The following COL25A1 variants were observed in gnomAD, a reference collection of about 807,000 sequenced individuals.
The protein encoded by COL25A1 is collagen alpha-1(XXV) chain.
In COL25A1, 103 loss-of-function variants were observed where a neutral mutation model predicts 128.4. The ratio of observed to expected loss-of-function variants is 0.80; its 90% CI spans 0.68 to 0.94. COL25A1 has a LOEUF of 0.94. COL25A1 is among the 40% of genes least tolerant of loss of function. COL25A1 has a pLI of 0.00. For missense variants in COL25A1, 745 were observed against 840.0 expected, an observed-to-expected ratio of 0.89 and a Z score of 1.40; for synonymous variants, 279 against 277.2, an observed-to-expected ratio of 1.01 and a Z score of -0.06.
intron 26 of COL25A1, 103 bp from the exon 27 acceptor site, chr4:108,848,906 A>G (rs1735428782): frequency 1.3e-6 from 1 of 796,888 alleles, no homozygotes; most frequent in East Asian, 2.4e-5. Context: ...TTTGACTTTC[A>G]GCAAATGCAT....
chr4:109,278,059 C>T (rs1052061698), intron 3 of COL25A1, among the ~76,000 whole-genome samples: 8 of 151,460 alleles, frequency 5.3e-5, no homozygotes, highest in African/African-American at 1.9e-4. Context: ...CGCTTGAACC[C>T]AGGAGGCGGA....
chr4:109,037,534 CT>C (rs1026706640), intron 5 of COL25A1, among the ~76,000 whole-genome samples: 3 of 152,214 alleles, frequency 2.0e-5, no homozygotes, highest in Admixed American at 1.3e-4. Flanking sequence ...CAATCAATTT[CT>C]TTTACATAGG....
intron 3 of COL25A1, among the ~76,000 whole-genome samples, chr4:109,256,102 G>C (rs558843465): frequency 4.6e-5 from 7 of 151,168 alleles, no homozygotes; most frequent in South Asian, 2.1e-4. Context: ...GTGTGTGTGT[G>C]TGTGTGTGTG....
chr4:108,940,681 A>C, intron 9 of COL25A1, 35 bp from the exon 10 acceptor site: 2 of 1,383,038 alleles, frequency 1.4e-6, no homozygotes, highest in Non-Finnish European at 2.0e-6. Context: ...AGCAATAACC[A>C]TGAAAGATAA....
chr4:108,849,307 G>A (rs937976136), intron 26 of COL25A1, among the ~76,000 whole-genome samples: 2 of 152,208 alleles, frequency 1.3e-5, no homozygotes, highest in African/African-American at 4.8e-5. Flanking sequence ...ACAAATTCAT[G>A]ATTGTGAGTG....
At chr4:108,999,325 C>G (rs1755117459) in intron 6 of COL25A1, among the ~76,000 whole-genome samples, 1 of 152,152 alleles carries the variant, frequency 6.6e-6, no homozygotes, top group African/African-American at 2.4e-5. Context: ...AGACACTTCT[C>G]AAAAGAAGAC....
intron 3 of COL25A1, among the ~76,000 whole-genome samples, chr4:109,064,392 AT>A (rs1174348610): frequency 6.6e-6 from 1 of 152,254 alleles, no homozygotes; most frequent in Non-Finnish European, 1.5e-5. Context: ...TTTTGTAGAC[AT>A]AATTACAAAG....
At chr4:109,170,452 TCTTA>T (rs1773481545) in intron 3 of COL25A1, among the ~76,000 whole-genome samples, 1 of 152,132 alleles carries the variant, frequency 6.6e-6, no homozygotes, top group Non-Finnish European at 1.5e-5. Context: ...CAGTGTGAAC[TCTTA>T]CTGTCTATGA....
At chr4:109,175,693 A>G (rs1032365806) in intron 3 of COL25A1, among the ~76,000 whole-genome samples, 4 of 152,226 alleles carry the variant, frequency 2.6e-5, no homozygotes, top group African/African-American at 7.2e-5. Context: ...AAATATTTCA[A>G]TATCTATTGA....
intron 8 of COL25A1, among the ~76,000 whole-genome samples, chr4:108,973,660 G>A (rs1445521607): frequency 6.6e-6 from 1 of 152,160 alleles, no homozygotes; most frequent in African/African-American, 2.4e-5. Context: ...TGAGAGGTAT[G>A]TCGAACGGAG....
intron 8 of COL25A1, among the ~76,000 whole-genome samples, chr4:108,946,801 C>G (rs899109875): frequency 7.9e-5 from 12 of 151,978 alleles, no homozygotes; most frequent in East Asian, 1.9e-4. Flanking sequence ...GAGGTTGGTA[C>G]AGGAAGAGTA....
chr4:108,957,217 C>T (rs1322064865), intron 8 of COL25A1, among the ~76,000 whole-genome samples: 4 of 151,804 alleles, frequency 2.6e-5, no homozygotes, highest in Non-Finnish European at 4.4e-5. Context: ...AGAACCAGGA[C>T]GGTAAGAGGG....
chr4:109,081,697 T>C (rs1763845734), intron 3 of COL25A1, among the ~76,000 whole-genome samples: 1 of 151,936 alleles, frequency 6.6e-6, no homozygotes. Context: ...TAATCTATTT[T>C]GTTTTTTCTT....
chr4:109,152,928 G>A (rs1468707079), intron 3 of COL25A1, among the ~76,000 whole-genome samples: 2 of 152,050 alleles, frequency 1.3e-5, no homozygotes, highest in East Asian at 3.8e-4. Flanking sequence ...ATTCAGCTGG[G>A]GAAGACGCAA....
At chr4:108,889,810 C>T (rs1741276705) in intron 16 of COL25A1, 77 bp from the exon 17 acceptor site, 2 of 1,280,610 alleles carry the variant, frequency 1.6e-6, no homozygotes, top group African/African-American at 2.9e-5. Context: ...AGAGCCATCA[C>T]CAACACAGGT....
intron 6 of COL25A1, among the ~76,000 whole-genome samples, chr4:109,008,755 GCACACA>G (rs755296346): frequency 2.4e-5 from 1 of 41,066 alleles, no homozygotes; most frequent in Non-Finnish European, 3.5e-5. Flanking sequence ...ACATGCGCGC[GCACACA>G]CACACACACA....
intron 6 of COL25A1, among the ~76,000 whole-genome samples, chr4:108,977,678 T>C (rs1244113217): frequency 6.6e-6 from 1 of 152,244 alleles, no homozygotes; most frequent in Non-Finnish European, 1.5e-5. Flanking sequence ...GTGGCAACAC[T>C]GTAAGCACTG....
chr4:108,933,178 C>T (rs1376657896), intron 11 of COL25A1, among the ~76,000 whole-genome samples: 7 of 152,190 alleles, frequency 4.6e-5, no homozygotes, highest in African/African-American at 1.4e-4. Flanking sequence ...ACCTGAGACA[C>T]TCATGCAGTT....
rs148893651 is a variant in COL25A1 at position 109,044,785 on chromosome 4, G to A, written c.420+3383C>T. ...TGATTAAGATGACAATATATGCCTC[G>A]ATAGCACACTTGAGGAGATAGTTGA... On this transcript the variant is annotated intron_variant, in intron 5 of 37. Transcript: ENST00000399132. Among the ~76,000 whole-genome samples the A allele has an allele frequency of 1.4e-4, 22 of 152,226 alleles. No individual in the cohort carries two copies. In the East Asian group the frequency reaches 1.5e-3, roughly 11 times the overall value.
Sources: allele counts gnomAD v4.1 joint callset (sites outside exome capture counted in the v4.1 genomes callset), GRCh38; gene constraint gnomAD v4.1.1; transcripts MANE v1.5; gene names NCBI Gene and HGNC (gene_info 2026-07-23, HGNC 2026-07-21).